Variants in HDC observed in about 807,000 individuals in gnomAD.
The protein encoded by HDC is histidine decarboxylase.
A neutral mutation model predicts 64.4 loss-of-function variants in HDC; 27 were observed. That is an observed-to-expected ratio of 0.42 (90% CI 0.31 to 0.58). The LOEUF (loss-of-function observed/expected upper bound fraction) is 0.58. Ranked by LOEUF, HDC falls within the 20% of genes least tolerant of loss-of-function variation. The pLI, the probability that HDC is intolerant of heterozygous loss-of-function variation, is 0.16. For missense variants in HDC, 711 were observed against 833.9 expected (o/e 0.85, Z 1.81); for synonymous variants, 305 against 314.2 (o/e 0.97, Z 0.31).
At chr15:50,265,464 G>C in intron 1 of HDC, 129 bp downstream of exon 1, 1 of 816,470 alleles carries the variant, frequency 1.2e-6, no homozygotes, top group Non-Finnish European at 2.1e-6. Context: ...AATGTTGCTG[G>C]TGCCAACTCT....
intron 11 of HDC, 44 bp from the exon 12 acceptor site, chr15:50,243,050 G>C: frequency 5.0e-6 from 8 of 1,614,078 alleles, no homozygotes; most frequent in Non-Finnish European, 6.8e-6. Context: ...CGCACCCCCT[G>C]TCAGCATCCC....
chr15:50,261,914 G>A (rs2140942949), intron 2 of HDC, among the ~76,000 whole-genome samples: 1 of 152,106 alleles, frequency 6.6e-6, no homozygotes, highest in African/African-American at 2.4e-5. Context: ...TCTCCATGTT[G>A]GTCAGGCTGG....
chr15:50,250,034 C>T (rs1055051868), intron 9 of HDC, among the ~76,000 whole-genome samples: 4 of 152,212 alleles, frequency 2.6e-5, no homozygotes, highest in Non-Finnish European at 4.4e-5. Context: ...TTGCAGGGCT[C>T]CCTTGCCAAG....
chr15:50,263,787 A>C (rs1415142677), intron 1 of HDC, among the ~76,000 whole-genome samples: 1 of 152,260 alleles, frequency 6.6e-6, no homozygotes, highest in Non-Finnish European at 1.5e-5. Context: ...ACTCAAAAAA[A>C]AGAGAGAGAC....
intron 10 of HDC, chr15:50,244,576 G>A (rs1423673215): frequency 1.3e-5 from 2 of 152,152 alleles, no homozygotes; most frequent in African/African-American, 4.8e-5. Context: ...AAAGTACTGG[G>A]ATTACTGGCA....
At chr15:50,259,714 C>G (rs560882422) in intron 2 of HDC, among the ~76,000 whole-genome samples, 1 of 152,210 alleles carries the variant, frequency 6.6e-6, no homozygotes, top group Admixed American at 6.5e-5. Context: ...CCACAGCTCC[C>G]TTCGATCCCT....
chr15:50,245,937 G>T (rs546168181), intron 10 of HDC, among the ~76,000 whole-genome samples: 122 of 152,172 alleles, frequency 8.0e-4, no homozygotes, highest in Non-Finnish European at 1.5e-3. Context: ...ATATAGAAAG[G>T]TTAAGTAATT....
chr15:50,258,578 C>G, intron 2 of HDC, 61 bp from the exon 3 acceptor site: 1 of 962,488 alleles, frequency 1.0e-6, no homozygotes, highest in Non-Finnish European at 1.7e-6. Context: ...CTTTCTTTCT[C>G]CAGAGACCAT....
chr15:50,242,973 C>T lies in HDC; in HGVS notation c.1276G>A (p.Glu426Lys). ...PNCLTENVLK[E>K]IAKAGRLFLI... ...AAGAGACGGCCAGCTTTAGCTATTT[C>T]CTTTAACACATTTTCTGTGAGACAA... Residue 426 changes from glutamate to lysine, a missense_variant, in exon 12 of 12, where the codon GAA becomes AAA. Coordinates refer to ENST00000267845, the MANE Select transcript of HDC (RefSeq NM_002112.4). 6.2e-7 allele frequency: 1 copy of T among 1,614,014 alleles called. No homozygotes were observed. Among genetic ancestry groups the T allele is most frequent in the Non-Finnish European group, 8.5e-7 (1 of 1,179,988 alleles).
chr15:50,244,471 T>A (rs1408552852), intron 10 of HDC, among the ~76,000 whole-genome samples: 1 of 151,926 alleles, frequency 6.6e-6, no homozygotes, highest in Non-Finnish European at 1.5e-5. Context: ...CCCAGCTACA[T>A]TTTTTAATTT....
At chr15:50,260,961 T>G (rs1252593132) in intron 2 of HDC, among the ~76,000 whole-genome samples, 2 of 152,126 alleles carry the variant, frequency 1.3e-5, no homozygotes, top group Admixed American at 6.5e-5. Context: ...TAATTCAGTT[T>G]TCAATGAGGC....
intron 1 of HDC, among the ~76,000 whole-genome samples, chr15:50,264,487 A>G (rs1490395332): frequency 6.6e-6 from 1 of 152,194 alleles, no homozygotes; most frequent in East Asian, 1.9e-4. Context: ...GAATGAACAT[A>G]TGAGTAAGGA....
At chr15:50,262,101 GAACACA>G (rs927391835) in intron 2 of HDC, among the ~76,000 whole-genome samples, 3 of 152,048 alleles carry the variant, frequency 2.0e-5, no homozygotes, top group Non-Finnish European at 4.4e-5. Context: ...GTGTGGTTCA[GAACACA>G]AATGCCCCAA....
At position 50,251,554 on chromosome 15, in the gene HDC, T is replaced by C. The variant is rs942558046; in HGVS notation, c.1041+876A>G. 9.2e-5 allele frequency among the ~76,000 whole-genome samples: 14 copies of C among 152,294 alleles called. 1 individual carries two copies. Among genetic ancestry groups the C allele is most frequent in the African/African-American group, 3.4e-4 (14 of 41,568 alleles). ...GTTGGCCAGGTTATGTGTAATACAT[T>C]CGTTTACATCCCTGTCTCCCCTACA... On this transcript the variant is annotated intron_variant, in intron 9 of 11. Transcript: ENST00000267845.
intron 4 of HDC, among the ~76,000 whole-genome samples, chr15:50,256,366 G>A (rs75489108): frequency 0.027 from 4,083 of 152,276 alleles, 62 homozygotes; most frequent in African/African-American, 0.044. Flanking sequence ...TGAACTTCCT[G>A]GTTCTCATCT....
chr15:50,247,729 G>A (rs2045501203), intron 10 of HDC, among the ~76,000 whole-genome samples: 3 of 152,192 alleles, frequency 2.0e-5, no homozygotes, highest in African/African-American at 7.2e-5. Flanking sequence ...GAATTGAATA[G>A]AAATAAATTA....
At chr15:50,264,140 T>C (rs994836625) in intron 1 of HDC, among the ~76,000 whole-genome samples, 15 of 152,204 alleles carry the variant, frequency 9.9e-5, no homozygotes, top group African/African-American at 3.6e-4. Flanking sequence ...TTAGCACAGA[T>C]AGAAAGATTC....
At chr15:50,247,391 ATTTT>A (rs145567040) in intron 10 of HDC, among the ~76,000 whole-genome samples, 7 of 152,004 alleles carry the variant, frequency 4.6e-5, no homozygotes, top group African/African-American at 1.7e-4. Context: ...CATAATAATT[ATTTT>A]TTTTAAATGT....
At position 50,248,439 on chromosome 15, in the gene HDC, C is replaced by T; in HGVS notation, c.1042-96G>A. 1.2e-6 allele frequency: 1 copy of T among 807,386 alleles called. No individual in the cohort carries two copies. The highest frequency in any genetic ancestry group is 1.4e-5 in the South Asian group (1 of 70,586). 50.0% of individuals were successfully genotyped at this position (807,386 alleles called of 1,614,324 possible). On this transcript the variant is annotated intron_variant, in intron 9 of 11. Coordinates refer to ENST00000267845, the MANE Select transcript of HDC (RefSeq NM_002112.4). The surrounding 1 kb of genome is among the most constrained non-coding windows in gnomAD (Gnocchi z 4.3). ...ATTATCTGTTGCCTGCCCAGCCCTCCAGGGATGGACGATGTCACCATGACT... is the reference window on the plus strand; with the variant it reads ...ATTATCTGTTGCCTGCCCAGCCCTCTAGGGATGGACGATGTCACCATGACT...
Sources: gnomAD v4.1 joint callset for allele counts (sites outside exome capture counted in the v4.1 genomes callset) on GRCh38, gnomAD v4.1.1 for gene constraint, Gnocchi (gnomAD v3.1) non-coding constraint, MANE v1.5 for transcripts, NCBI Gene and HGNC (gene_info 2026-07-23, HGNC 2026-07-21) for gene names.